The following CCDC127 variants were observed in gnomAD, a reference collection of about 807,000 sequenced individuals.
CCDC127 encodes the protein coiled-coil domain-containing protein 127.
CCDC127 carries 2 observed loss-of-function variants against 4.1 expected under a neutral mutation model. That is an observed-to-expected ratio of 0.49 (90% CI 0.20 to 1.53). The LOEUF is 1.53. CCDC127 is among the 40% of genes most tolerant of loss of function. The pLI is 0.23. For synonymous variants in CCDC127, 98 were observed against 120.4 expected, an observed-to-expected ratio of 0.81 and a Z score of 1.22; for missense variants, 271 against 322.9, an observed-to-expected ratio of 0.84 and a Z score of 1.23.
intron 2 of CCDC127, among the ~76,000 whole-genome samples, chr5:208,300 T>C (rs1734217328): frequency 6.6e-6 from 1 of 152,128 alleles, no homozygotes; most frequent in Non-Finnish European, 1.5e-5. Flanking sequence ...GTCCTCTAGA[T>C]TTTCATTTTG....
rs912842618 is a variant in CCDC127 at position 202,002 on chromosome 5, G to A, written c.*3295C>T. 2.6e-5 allele frequency: 4 copies of A among 152,210 alleles called. No individual in the cohort carries two copies. The highest frequency in any genetic ancestry group is 4.4e-5 in the Non-Finnish European group (3 of 68,054). 9.4% of individuals were successfully genotyped at this position (152,210 alleles called of 1,614,324 possible). A position where few individuals can be genotyped will look rare whatever the true frequency, so the allele number is the denominator to read the frequency against. ...TATAGTTACTGTGACCTCCAAGAAA[G>A]CAGCAGGACAAATAATGCTTGACTC... On this transcript the variant is annotated 3_prime_UTR_variant, in exon 3 of 3. Coordinates refer to ENST00000296824, the MANE Select transcript of CCDC127 (RefSeq NM_145265.3).
intron 2 of CCDC127, among the ~76,000 whole-genome samples, chr5:209,197 C>G (rs111518222): frequency 1.6e-3 from 3 of 1,870 alleles, no homozygotes. Context: ...CCTGGCCACA[C>G]ACATCATTCC....
intron 2 of CCDC127, among the ~76,000 whole-genome samples, chr5:208,099 C>T (rs10512618): frequency 0.11 from 16,459 of 152,144 alleles, 1,084 homozygotes; most frequent in Non-Finnish European, 0.13. Flanking sequence ...TTTGGGCACA[C>T]GCAACTTTTC....
rs1042679833 is a variant in CCDC127, at chr5:199,177, C to T, written c.*6120G>A. 10 of 152,556 alleles carry T rather than the reference C, an allele frequency of 6.6e-5. No individual in the cohort carries two copies. The highest frequency in any genetic ancestry group is 3.9e-4 in the Admixed American group (6 of 15,300). 9.5% of individuals were successfully genotyped at this position (152,556 alleles called of 1,614,324 possible). On this transcript the variant is annotated 3_prime_UTR_variant, in exon 3 of 3. Transcript: ENST00000296824. ...CACCATCCTGGCAAGGAGTGGGGGC[C>T]GTTTTAGGGGCTCCAACTCAAGTCC...
At position 205,260 on chromosome 5, in the gene CCDC127, C is replaced by T; in HGVS notation, c.*37G>A. The T allele has an allele frequency of 6.4e-7, 1 of 1,564,900 alleles. No individual in the cohort carries two copies. Among genetic ancestry groups the T allele is most frequent in the Non-Finnish European group, 8.7e-7 (1 of 1,151,650 alleles). ...CCCAGAAGGCGCATGACTGCCTGGCCTCGAGTCACTAAAAGCAGTTTGATT... is the reference window on the plus strand; with the variant it reads ...CCCAGAAGGCGCATGACTGCCTGGCTTCGAGTCACTAAAAGCAGTTTGATT... On this transcript the variant is annotated 3_prime_UTR_variant, in exon 3 of 3. Transcript: ENST00000296824.
intron 2 of CCDC127, chr5:215,680 T>C (rs1734367161): frequency 6.6e-6 from 1 of 152,082 alleles, no homozygotes; most frequent in Non-Finnish European, 1.5e-5. Context: ...CACCTGCTCT[T>C]ACCAGCCTCC....
intron 2 of CCDC127, among the ~76,000 whole-genome samples, chr5:206,854 T>G (rs73029475): frequency 6.6e-6 from 1 of 152,022 alleles, no homozygotes; most frequent in Admixed American, 6.6e-5. Context: ...AAAACAGAAC[T>G]GTTTGGCAAA....
chr5:211,232 A>G (rs1734280713), intron 2 of CCDC127, among the ~76,000 whole-genome samples: 1 of 119,902 alleles, frequency 8.3e-6, no homozygotes, highest in Non-Finnish European at 1.7e-5. Context: ...AGCCATGACG[A>G]GACAGCACCA....
rs1311489568 is a variant in CCDC127 at position 196,942 on chromosome 5, G to T, written c.*8355C>A. 1 of 73,612 alleles carries T rather than the reference G, an allele frequency of 1.4e-5. No individual in the cohort carries two copies. The highest frequency in any genetic ancestry group is 6.0e-4 in the South Asian group (1 of 1,678). The allele number at this position is 73,612 out of a possible 1,614,324, so 4.6% of individuals were successfully genotyped here. A position where few individuals can be genotyped will look rare whatever the true frequency, so the allele number is the denominator to read the frequency against. The stretch of plus-strand genomic sequence containing the variant: ...GACCTGCACTGGCACCGGCCTCTGA[G>T]TTCCCTCAGTTTTTATTATTATTTT... On this transcript the variant is annotated 3_prime_UTR_variant, in exon 3 of 3. Transcript: ENST00000296824.
chr5:210,874 C>A (rs369781264), intron 2 of CCDC127, among the ~76,000 whole-genome samples: 5 of 54,984 alleles, frequency 9.1e-5, no homozygotes, highest in South Asian at 1.6e-3. Context: ...GCAGCCACGA[C>A]GAGACAGCAC....
In CCDC127 at chr5:201,666, T is replaced by G. The variant is rs1442067059; in HGVS notation, c.*3631A>C. 6.6e-6 allele frequency: 1 copy of G among 152,246 alleles called. No individual in the cohort carries two copies. Among genetic ancestry groups the G allele is most frequent in the African/African-American group, 2.4e-5 (1 of 41,466 alleles). The allele number at this position is 152,246 out of a possible 1,614,324, so 9.4% of individuals were successfully genotyped here. Reference sequence around the variant, plus strand: ...GACTACGGAAGAGAAATGCTGCCTCTTCAGTTTTGTTTTTGGAATGTCCAG... The same window carrying G: ...GACTACGGAAGAGAAATGCTGCCTCGTCAGTTTTGTTTTTGGAATGTCCAG... On this transcript the variant is annotated 3_prime_UTR_variant, in exon 3 of 3. Transcript: ENST00000296824.
rs987238127 is a variant in CCDC127 at position 198,286 on chromosome 5, T to C, written c.*7011A>G. On this transcript the variant is annotated 3_prime_UTR_variant, in exon 3 of 3. Coordinates refer to ENST00000296824, the MANE Select transcript of CCDC127 (RefSeq NM_145265.3). ...GGAGCCTTGTCCAGGGACATGAATT[T>C]GATATTGCGGCCAGCTTTTGGAAAC... 2.0e-5 allele frequency: 3 copies of C among 152,312 alleles called. No individual in the cohort carries two copies. Among genetic ancestry groups the C allele is most frequent in the South Asian group, 2.1e-4 (1 of 4,836 alleles). The allele number at this position is 152,312 out of a possible 1,614,324, so 9.4% of individuals were successfully genotyped here. A position where few individuals can be genotyped will look rare whatever the true frequency, so the allele number is the denominator to read the frequency against.
intron 2 of CCDC127, among the ~76,000 whole-genome samples, chr5:208,526 G>T (rs1478300440): frequency 6.6e-6 from 1 of 152,238 alleles, no homozygotes; most frequent in East Asian, 1.9e-4. Context: ...ATGGGCAAAG[G>T]CTGGATGGAG....
In CCDC127 at chr5:205,253, G is replaced by T; in HGVS notation, c.*44C>A. The stretch of plus-strand genomic sequence containing the variant: ...CCGGAGACCCAGAAGGCGCATGACT[G>T]CCTGGCCTCGAGTCACTAAAAGCAG... On this transcript the variant is annotated 3_prime_UTR_variant, in exon 3 of 3. Coordinates refer to ENST00000296824, the MANE Select transcript of CCDC127 (RefSeq NM_145265.3). 6.5e-7 allele frequency: 1 copy of T among 1,547,818 alleles called. No individual in the cohort carries two copies. The highest frequency in any genetic ancestry group is 2.3e-5 in the East Asian group (1 of 44,276).
intron 2 of CCDC127, among the ~76,000 whole-genome samples, 189 bp from the exon 3 acceptor site, chr5:206,147 G>T (rs1734167931): frequency 6.7e-6 from 1 of 150,246 alleles, no homozygotes. Flanking sequence ...CCAGGTAAGG[G>T]CTGGGTGACC....
chr5:206,522 C>G (rs1452048400), intron 2 of CCDC127, among the ~76,000 whole-genome samples: 1 of 152,206 alleles, frequency 6.6e-6, no homozygotes, highest in Non-Finnish European at 1.5e-5. Flanking sequence ...GCTCTGCCCC[C>G]TACACCAAGG....
chr5:210,451 A>C lies in CCDC127; in HGVS notation c.122-4493T>G, dbSNP rs576020113. 8.5e-5 allele frequency among the ~76,000 whole-genome samples: 13 copies of C among 152,266 alleles called. No individual in the cohort carries two copies. The East Asian group carries it at 2.3e-3, about 27-fold the overall frequency. On this transcript the variant is annotated intron_variant, in intron 2 of 2. Coordinates refer to ENST00000296824, the MANE Select transcript of CCDC127 (RefSeq NM_145265.3). ...AACTCTCAAAACTCAACATTAAAAA[A>C]CAAACAGTCCTATTAGGAAACGGCT... is the stretch of plus-strand genomic sequence containing the variant.
Position 205,526 on chromosome 5 carries a change from T to C in CCDC127, c.554A>G (p.Glu185Gly), listed in dbSNP as rs1734154153. ...SLFLPRSKRL[E>G]IEKSLLVRAS... ...TCGCACCAGTAAGCTCTTCTCTATC[T>C]CCAGCCGCTTGCTGCGAGGAAGAAA... The change falls in exon 3 of 3, where the codon GAG (glutamate) becomes GGG (glycine). Residue 185 changes from glutamate to glycine, a missense_variant. Glu to Gly is a moderately conservative substitution (Grantham distance 98). Transcript: ENST00000296824. 6.8e-6 allele frequency: 11 copies of C among 1,614,008 alleles called. No individual in the cohort carries two copies. Among genetic ancestry groups the C allele is most frequent in the African/African-American group, 1.3e-5 (1 of 75,062 alleles).
In CCDC127 at chr5:199,616, C is replaced by T. The variant is rs1483943849; in HGVS notation, c.*5681G>A. 2 of 153,036 alleles carry T rather than the reference C, an allele frequency of 1.3e-5. No homozygotes were observed. The highest frequency in any genetic ancestry group is 1.3e-4 in the Admixed American group (2 of 15,268). The allele number at this position is 153,036 out of a possible 1,614,324, so 9.5% of individuals were successfully genotyped here. On this transcript the variant is annotated 3_prime_UTR_variant, in exon 3 of 3. Coordinates refer to ENST00000296824, the MANE Select transcript of CCDC127 (RefSeq NM_145265.3). ...ATCCCATTTTCTGGCACCACCAGCC[C>T]TGGCCCATGGGGAGCAGCCACCTCG...
Sources: allele counts gnomAD v4.1 joint callset (sites outside exome capture counted in the v4.1 genomes callset), GRCh38; gene constraint gnomAD v4.1.1; transcripts MANE v1.5; gene names NCBI Gene and HGNC (gene_info 2026-07-23, HGNC 2026-07-21).